Variants in PARVB observed in about 807,000 individuals in gnomAD.
PARVB encodes parvin beta, also known as beta-parvin.
Under a neutral mutation model 47.0 loss-of-function variants are expected in PARVB, and 46 were observed. The ratio of observed to expected loss-of-function variants is 0.98; its 90% CI spans 0.77 to 1.25. The LOEUF is 1.25. Ranked by LOEUF, PARVB falls within the 50% of genes most tolerant of loss-of-function variation. The pLI, the probability that PARVB is intolerant of heterozygous loss-of-function variation, is 0.00. For missense variants in PARVB, 473 were observed against 471.6 expected (o/e 1.00, Z -0.03); for synonymous variants, 196 against 196.3 (o/e 1.00, Z 0.01).
At chr22:44,126,194 G>C (rs1429022584) in intron 4 of PARVB, among the ~76,000 whole-genome samples, 1 of 152,168 alleles carries the variant, frequency 6.6e-6, no homozygotes, top group Non-Finnish European at 1.5e-5. Flanking sequence ...CCCAAAGAGG[G>C]TGTTCCAAAT....
intron 6 of PARVB, among the ~76,000 whole-genome samples, chr22:44,133,817 G>A (rs749625415): frequency 2.6e-5 from 4 of 152,244 alleles, no homozygotes; most frequent in Non-Finnish European, 1.5e-5. Flanking sequence ...GATTATAGGT[G>A]GGAGCTGCCA....
intron 1 of PARVB, among the ~76,000 whole-genome samples, chr22:44,063,017 C>T (rs2051448913): frequency 6.6e-6 from 1 of 152,182 alleles, no homozygotes; most frequent in Non-Finnish European, 1.5e-5. Flanking sequence ...GCTCAGCCCC[C>T]ACCCAGGAGC....
At chr22:44,135,096 C>T (rs528809554) in intron 6 of PARVB, among the ~76,000 whole-genome samples, 1 of 152,334 alleles carries the variant, frequency 6.6e-6, no homozygotes, top group South Asian at 2.1e-4. Context: ...AAGCCCAGAT[C>T]TTGGTGGTGT....
intron 1 of PARVB, among the ~76,000 whole-genome samples, chr22:44,050,361 A>G (rs112062131): frequency 0.061 from 8,868 of 146,332 alleles, 915 homozygotes; most frequent in African/African-American, 0.21. Context: ...TTTTTTTTTT[A>G]AGACTGAGTT....
chr22:44,079,313 G>A (rs1484574727), intron 1 of PARVB, among the ~76,000 whole-genome samples: 1 of 152,168 alleles, frequency 6.6e-6, no homozygotes, highest in Non-Finnish European at 1.5e-5. Context: ...GAAAATGCCC[G>A]GGCTCCAGCC....
intron 8 of PARVB, chr22:44,142,925 G>C (rs1005661873): frequency 6.6e-6 from 1 of 152,224 alleles, no homozygotes; most frequent in African/African-American, 2.4e-5. Flanking sequence ...AGGCACAGCA[G>C]GGTGTCTGGC....
chr22:44,119,696 A>G (rs2147126274), intron 4 of PARVB: 1 of 478,998 alleles, frequency 2.1e-6, no homozygotes, highest in Non-Finnish European at 4.3e-6. Flanking sequence ...AGGGCTGGGT[A>G]CCAGGGATAC....
intron 1 of PARVB, among the ~76,000 whole-genome samples, chr22:44,074,230 C>T (rs991381879): frequency 3.3e-5 from 5 of 152,166 alleles, no homozygotes; most frequent in Non-Finnish European, 7.3e-5. Flanking sequence ...AGAAGCCTGT[C>T]GTGCCAGTGA....
intron 3 of PARVB, chr22:44,106,143 T>TTG (rs967725763): frequency 7.0e-6 from 1 of 142,706 alleles, no homozygotes; most frequent in African/African-American, 2.7e-5. Context: ...GATGTGTTTT[T>TTG]TTTTTTTTTT....
chr22:44,078,886 A>G (rs2051835848), intron 1 of PARVB, among the ~76,000 whole-genome samples: 1 of 152,116 alleles, frequency 6.6e-6, no homozygotes, highest in South Asian at 2.1e-4. Flanking sequence ...CACCAAGTGC[A>G]GCTAATTTTT....
chr22:44,030,967 G>T (rs2267594), intron 1 of PARVB, among the ~76,000 whole-genome samples: 107,149 of 151,806 alleles, frequency 0.71, 38,074 homozygotes, highest in African/African-American at 0.79. Context: ...ACAGGTGAGG[G>T]ACCAGGGCCA....
chr22:44,095,010 G>A (rs1439803304), intron 2 of PARVB, among the ~76,000 whole-genome samples: 1 of 148,788 alleles, frequency 6.7e-6, no homozygotes, highest in Non-Finnish European at 1.5e-5. Context: ...TTAGGGTGAG[G>A]ATATTGGCTG....
intron 2 of PARVB, among the ~76,000 whole-genome samples, chr22:44,096,223 C>A (rs2052304273): frequency 6.6e-6 from 1 of 152,130 alleles, no homozygotes; most frequent in South Asian, 2.1e-4. Context: ...GAAACTCCAT[C>A]TCATAAAATA....
chr22:44,131,658 T>A (rs376395516), intron 5 of PARVB, 31 bp downstream of exon 5: 5 of 1,581,416 alleles, frequency 3.2e-6, no homozygotes, highest in Admixed American at 3.7e-5. Flanking sequence ...GGAGGGACTG[T>A]CTGGAGGGAG....
At chr22:44,003,306 G>A (rs999661215) in intron 2 of PARVB, among the ~76,000 whole-genome samples, 3 of 152,152 alleles carry the variant, frequency 2.0e-5, no homozygotes, top group Non-Finnish European at 2.9e-5. Context: ...TCATCTAAAC[G>A]TAATTTCCCT....
At chr22:44,012,741 C>T (rs1000286620) in intron 2 of PARVB, among the ~76,000 whole-genome samples, 4 of 107,746 alleles carry the variant, frequency 3.7e-5, no homozygotes, top group Non-Finnish European at 7.7e-5. Flanking sequence ...GAAGACATTT[C>T]ACAGTCTTAA....
intron 4 of PARVB, 127 bp downstream of exon 4, chr22:44,119,267 G>A: frequency 5.7e-6 from 4 of 707,592 alleles, no homozygotes; most frequent in Admixed American, 2.1e-5. Context: ...GCTGCAGTGT[G>A]CATCTCCCAG....
chr22:44,030,167 C>T (rs1008465722), intron 1 of PARVB, among the ~76,000 whole-genome samples: 4 of 152,216 alleles, frequency 2.6e-5, no homozygotes, highest in African/African-American at 9.6e-5. Flanking sequence ...CCTGCACTGC[C>T]CCCGCCTTTC....
rs534067616 is a variant in PARVB at position 44,028,566 on chromosome 22, G to C, written c.112+4115G>C. 6.6e-5 allele frequency among the ~76,000 whole-genome samples: 10 copies of C among 152,230 alleles called. No homozygotes were observed. In the South Asian group the frequency reaches 2.1e-3, roughly 32 times the overall value. On this transcript the variant is annotated intron_variant, in intron 1 of 12. Coordinates refer to ENST00000338758, the MANE Select transcript of PARVB (RefSeq NM_013327.5). ...CCATTCACCTGCTGAAGGACATCTTGGTTGCTTCCAAGTTTTGGCAGTTAT... is the reference window on the plus strand; with the variant it reads ...CCATTCACCTGCTGAAGGACATCTTCGTTGCTTCCAAGTTTTGGCAGTTAT...
Sources: gnomAD v4.1 joint callset for allele counts (sites outside exome capture counted in the v4.1 genomes callset) on GRCh38, gnomAD v4.1.1 for gene constraint, MANE v1.5 for transcripts, NCBI Gene and HGNC (gene_info 2026-07-23, HGNC 2026-07-21) for gene names.